The following KCTD3 variants were observed in gnomAD, a reference collection of about 807,000 sequenced individuals.
The protein encoded by KCTD3 is potassium channel tetramerization domain containing 3.
In KCTD3, 41 loss-of-function variants were observed where a neutral mutation model predicts 85.8. The ratio of observed to expected loss-of-function variants is 0.48; its 90% confidence interval spans 0.37 to 0.62. The LOEUF (loss-of-function observed/expected upper bound fraction) is 0.62. Ranked by LOEUF, KCTD3 falls within the 20% of genes least tolerant of loss-of-function variation. KCTD3 has a pLI of 0.00. For synonymous variants in KCTD3, 338 were observed against 345.4 expected, an observed-to-expected ratio of 0.98 and a Z score of 0.24; for missense variants, 724 against 989.9, an observed-to-expected ratio of 0.73 and a Z score of 3.60.
intron 9 of KCTD3, among the ~76,000 whole-genome samples, chr1:215,589,600 G>A (rs1301681409): frequency 6.6e-6 from 1 of 152,206 alleles, no homozygotes; most frequent in African/African-American, 2.4e-5. Flanking sequence ...GAAAGAAGGT[G>A]TCCAACATAA....
Position 215,611,763 on chromosome 1 carries a change from T to C in KCTD3, c.1466-62T>C, listed in dbSNP as rs1655242810. On this transcript the variant is annotated intron_variant, in intron 14 of 17. Coordinates refer to ENST00000259154, the MANE Select transcript of KCTD3 (RefSeq NM_016121.5). ...TCTTATATTAATATTAATGTTCCTT[T>C]TGTAAAATGAGAAAAAATAAAATTT... 3 of 1,107,792 alleles carry C rather than the reference T, an allele frequency of 2.7e-6. No homozygotes were observed. The East Asian group carries it at 7.8e-5, about 29-fold the overall frequency. The allele number at this position is 1,107,792 out of a possible 1,614,324, so 68.6% of individuals were successfully genotyped here. A position where few individuals can be genotyped will look rare whatever the true frequency, so the allele number is the denominator to read the frequency against.
At chr1:215,588,702 A>C (rs1399196022) in intron 9 of KCTD3, among the ~76,000 whole-genome samples, 1 of 152,168 alleles carries the variant, frequency 6.6e-6, no homozygotes, top group East Asian at 1.9e-4. Flanking sequence ...TTTAATGATC[A>C]GTTGGAGCTA....
chr1:215,613,201 C>T (rs751237140), intron 15 of KCTD3, among the ~76,000 whole-genome samples: 3 of 152,092 alleles, frequency 2.0e-5, no homozygotes, highest in Non-Finnish European at 4.4e-5. Context: ...GTTAATAGTC[C>T]ATTAGGAAGG....
At chr1:215,616,572 C>G (rs543756698) in intron 15 of KCTD3, among the ~76,000 whole-genome samples, 1 of 152,160 alleles carries the variant, frequency 6.6e-6, no homozygotes, top group South Asian at 2.1e-4. Flanking sequence ...ATCAGCCTGA[C>G]CAACATGGAG....
intron 9 of KCTD3, among the ~76,000 whole-genome samples, chr1:215,590,278 AG>A (rs1276459499): frequency 6.6e-6 from 1 of 152,136 alleles, no homozygotes. Flanking sequence ...CTTTTTAATG[AG>A]GTTGTCATCC....
intron 14 of KCTD3, among the ~76,000 whole-genome samples, chr1:215,610,725 A>C (rs550820859): frequency 6.2e-4 from 94 of 152,154 alleles, no homozygotes; most frequent in African/African-American, 2.2e-3. Context: ...TCCATCATAT[A>C]GGACCTATGA....
intron 1 of KCTD3, among the ~76,000 whole-genome samples, chr1:215,573,345 A>T (rs1341886988): frequency 1.3e-5 from 2 of 152,190 alleles, no homozygotes; most frequent in Non-Finnish European, 2.9e-5. Context: ...CTGAATAAAG[A>T]TACCAAAATG....
chr1:215,581,111 T>A (rs140505671), intron 8 of KCTD3: 88 of 326,888 alleles, frequency 2.7e-4, no homozygotes, highest in African/African-American at 1.9e-3. Context: ...CCAGGTGTGG[T>A]GATGCATGCC....
intron 4 of KCTD3, 115 bp downstream of exon 4, chr1:215,576,089 C>G (rs1212485987): frequency 4.7e-6 from 3 of 643,512 alleles, no homozygotes; most frequent in African/African-American, 3.9e-5. Context: ...GAGTTGCAGT[C>G]TTGCTCTGTT....
chr1:215,615,179 A>G (rs1313150088), intron 15 of KCTD3, among the ~76,000 whole-genome samples: 1 of 152,222 alleles, frequency 6.6e-6, no homozygotes, highest in Non-Finnish European at 1.5e-5. Flanking sequence ...TGAATAGAAA[A>G]TTAGCCCTTT....
At chr1:215,582,131 G>A (rs112239365) in intron 8 of KCTD3, among the ~76,000 whole-genome samples, 135 of 152,242 alleles carry the variant, frequency 8.9e-4, no homozygotes, top group African/African-American at 3.2e-3. Flanking sequence ...TTACTTTTTT[G>A]TATGTGGTAT....
Position 215,586,701 on chromosome 1 carries a change from T to C in KCTD3, c.817+16T>C, listed in dbSNP as rs1431277278. On this transcript the variant is annotated intron_variant, in intron 9 of 17. Transcript: ENST00000259154. ...AGTGAAATTGGTAGGAAGAATCTTG[T>C]TTATGTTGCAATTTGATGATATTAA... 1 of 1,589,116 alleles carries C rather than the reference T, an allele frequency of 6.3e-7. No homozygotes were observed. Among genetic ancestry groups the C allele is most frequent in the African/African-American group, 1.3e-5 (1 of 74,142 alleles).
intron 10 of KCTD3, among the ~76,000 whole-genome samples, chr1:215,599,997 T>C (rs1364451546): frequency 6.6e-6 from 1 of 152,106 alleles, no homozygotes; most frequent in Non-Finnish European, 1.5e-5. Context: ...GTTGAAGCCC[T>C]TTCCTTTAGT....
chr1:215,619,764 A>G (rs971881401), intron 17 of KCTD3, among the ~76,000 whole-genome samples: 3 of 152,176 alleles, frequency 2.0e-5, no homozygotes, highest in African/African-American at 7.2e-5. Flanking sequence ...AGGGCTAAAT[A>G]CTGAATTATG....
At position 215,611,840 on chromosome 1, in the gene KCTD3, G is replaced by A. The variant is rs780870230; in HGVS notation, c.1481G>A (p.Arg494Gln). 3 of 1,604,454 alleles carry A rather than the reference G, an allele frequency of 1.9e-6. No individual in the cohort carries two copies. The highest frequency in any genetic ancestry group is 2.6e-6 in the Non-Finnish European group (3 of 1,173,822). ...SGNDIGPFGE[R>Q]DDQQVFIQKV... ...TCTGATCAAGGACCTTTTGGAGAGC[G>A]AGACGATCAACAGGTGTTTATCCAG... is the stretch of plus-strand genomic sequence containing the variant. Residue 494 changes from arginine to glutamine, a missense_variant, in exon 15 of 18, where the codon CGA becomes CAA. Around this residue, in one of 6 missense-constraint regions of KCTD3, gnomAD observed 136 missense variants for 197.6 expected, o/e 0.69. Transcript: ENST00000259154.
At chr1:215,591,602 G>A (rs906659283) in intron 9 of KCTD3, among the ~76,000 whole-genome samples, 1 of 152,014 alleles carries the variant, frequency 6.6e-6, no homozygotes, top group Non-Finnish European at 1.5e-5. Flanking sequence ...TAATCCGCCC[G>A]CCTCAGCCTC....
chr1:215,621,581 AT>A lies in KCTD3; in HGVS notation c.*971del, dbSNP rs370298874. 0.01 allele frequency: 1,571 copies of A among 152,476 alleles called. 17 individuals are homozygous for A. Among genetic ancestry groups the A allele is most frequent in the South Asian group, 0.027 (128 of 4,818 alleles). The allele number at this position is 152,476 out of a possible 1,614,324, so 9.4% of individuals were successfully genotyped here. ...AAGAGCAAAAGAACGTTTTTGTACA[AT>A]TTTTTTTCATTTAATTGGAATGATC... On this transcript the variant is annotated 3_prime_UTR_variant, in exon 18 of 18. Coordinates refer to ENST00000259154, the MANE Select transcript of KCTD3 (RefSeq NM_016121.5).
chr1:215,601,643 T>A (rs1047004607), intron 10 of KCTD3, among the ~76,000 whole-genome samples: 6 of 152,066 alleles, frequency 3.9e-5, no homozygotes, highest in South Asian at 2.1e-4. Flanking sequence ...AAATACAATT[T>A]AAAAAAAATA....
Position 215,567,678 on chromosome 1 carries a change from C to A in KCTD3, c.-8C>A. The A allele has an allele frequency of 8.1e-7, 1 of 1,236,778 alleles. No individual in the cohort carries two copies. The highest frequency in any genetic ancestry group is 4.2e-5 in the Admixed American group (1 of 23,658). The allele number at this position is 1,236,778 out of a possible 1,614,324, so 76.6% of individuals were successfully genotyped here. A position where few individuals can be genotyped will look rare whatever the true frequency, so the allele number is the denominator to read the frequency against. On this transcript the variant is annotated 5_prime_UTR_variant, in exon 1 of 18. Transcript: ENST00000259154. ...GGAGGGCGGCGAGCGCGTCCGGAGC[C>A]GCCGGAGATGGCGGGAGGGCACTGC... is the stretch of plus-strand genomic sequence containing the variant.
Sources: gnomAD v4.1 joint callset for allele counts (sites outside exome capture counted in the v4.1 genomes callset) on GRCh38, gnomAD v4.1.1 for gene constraint, gnomAD v4.1.1 regional missense constraint, MANE v1.5 for transcripts, NCBI Gene and HGNC (gene_info 2026-07-23, HGNC 2026-07-21) for gene names.